Variants in FKTN observed in about 807,000 individuals in gnomAD.
The protein encoded by FKTN is fukutin.
In FKTN, 47 loss-of-function variants were observed where a neutral mutation model predicts 58.6. The ratio of observed to expected loss-of-function variants is 0.80; its 90% CI spans 0.63 to 1.02. The LOEUF (loss-of-function observed/expected upper bound fraction) is 1.02, where lower values mean the gene tolerates loss of function less well. Among genes scored for constraint, FKTN ranks in the 50% least tolerant of loss-of-function variants. The probability of loss-of-function intolerance (pLI) is 0.00; values close to 1 mark genes in which losing one functional copy is unlikely to be tolerated. For synonymous variants in FKTN, 178 were observed against 191.9 expected (o/e 0.93, Z 0.60); for missense variants, 516 against 537.3 (o/e 0.96, Z 0.39).
chr9:105,605,465 T>C (rs1289779838), intron 6 of FKTN, among the ~76,000 whole-genome samples: 2 of 152,174 alleles, frequency 1.3e-5, no homozygotes, highest in Non-Finnish European at 2.9e-5. Flanking sequence ...TGTATTTAAG[T>C]TAATATTAGG....
Position 105,604,256 on chromosome 9 carries a change from C to A in FKTN, c.411C>A (p.Cys137Ter), listed in dbSNP as rs537001725. 24 of 1,612,740 alleles carry A rather than the reference C, an allele frequency of 1.5e-5. No individual in the cohort carries two copies. In the South Asian group the frequency reaches 2.5e-4, roughly 17 times the overall value. ...TAGCTGAGAATATGGGATTTCAGTGCCTAAAGATTGAGAGTAAAGATCCCC... is the reference window on the plus strand; with the variant it reads ...TAGCTGAGAATATGGGATTTCAGTGACTAAAGATTGAGAGTAAAGATCCCC... ...FRIAENMGFQ[C>*]LKIESKDPRL... Residue 137 changes from cysteine to a stop codon, truncating the protein, a stop_gained, in exon 6 of 11, where the codon TGC becomes TGA. Transcript: ENST00000357998. LOFTEE classifies it high-confidence loss of function.
At chr9:105,569,412 A>G (rs933301692) in intron 1 of FKTN, among the ~76,000 whole-genome samples, 1 of 152,158 alleles carries the variant, frequency 6.6e-6, no homozygotes, top group African/African-American at 2.4e-5. Flanking sequence ...TATGGGTTTT[A>G]TCTACTACTA....
At chr9:105,558,605 A>G (rs1217399580) in intron 1 of FKTN, among the ~76,000 whole-genome samples, 1 of 150,944 alleles carries the variant, frequency 6.6e-6, no homozygotes, top group African/African-American at 2.4e-5. Context: ...GGTAAGCCAC[A>G]TTTCTCTTGG....
At chr9:105,577,567 T>C (rs1733383193) in intron 3 of FKTN, among the ~76,000 whole-genome samples, 1 of 146,424 alleles carries the variant, frequency 6.8e-6, no homozygotes, top group Non-Finnish European at 1.5e-5. Context: ...TTTTGGTTAC[T>C]GTAGCCTTGT....
In FKTN at chr9:105,638,378, C is replaced by T. The variant is rs1834192438; in HGVS notation, c.*3114C>T. The stretch of plus-strand genomic sequence containing the variant: ...TAGTTCAGAATTCAGAATTCTTAGG[C>T]AACCTTCATACCTTTATCTGGAAAA... On this transcript the variant is annotated 3_prime_UTR_variant, in exon 11 of 11. Transcript: ENST00000357998. 1 of 985,204 alleles carries T rather than the reference C, an allele frequency of 1.0e-6. No homozygotes were observed. Among genetic ancestry groups the T allele is most frequent in the South Asian group, 4.7e-5 (1 of 21,288 alleles). 61.0% of individuals were successfully genotyped at this position (985,204 alleles called of 1,614,324 possible).
chr9:105,591,913 C>T (rs1462981103), intron 3 of FKTN, among the ~76,000 whole-genome samples: 4 of 152,246 alleles, frequency 2.6e-5, no homozygotes, highest in African/African-American at 9.6e-5. Flanking sequence ...TTACAGCTTG[C>T]ACCCTCTGAA....
intron 3 of FKTN, among the ~76,000 whole-genome samples, chr9:105,579,427 A>G (rs1358090401): frequency 6.6e-6 from 1 of 151,740 alleles, no homozygotes; most frequent in African/African-American, 2.4e-5. Flanking sequence ...TTATGTACCC[A>G]GTAGTCATTC....
chr9:105,613,186 G>T (rs1830232633), intron 7 of FKTN, among the ~76,000 whole-genome samples: 1 of 152,196 alleles, frequency 6.6e-6, no homozygotes, highest in African/African-American at 2.4e-5. Flanking sequence ...GATGTTTCAA[G>T]ATGTCAGTTA....
At chr9:105,615,745 G>C (rs1830686185) in intron 8 of FKTN, among the ~76,000 whole-genome samples, 1 of 152,082 alleles carries the variant, frequency 6.6e-6, no homozygotes, top group Non-Finnish European at 1.5e-5. Context: ...ATCTCCGATA[G>C]TACTGAACCC....
At chr9:105,560,520 T>C (rs1220262679) in intron 1 of FKTN, among the ~76,000 whole-genome samples, 2 of 152,220 alleles carry the variant, frequency 1.3e-5, no homozygotes, top group Non-Finnish European at 2.9e-5. Flanking sequence ...TATATGCTTA[T>C]ACAAATATTG....
intron 3 of FKTN, among the ~76,000 whole-genome samples, chr9:105,584,932 A>G (rs191365812): frequency 1.3e-5 from 2 of 152,308 alleles, no homozygotes; most frequent in East Asian, 3.9e-4. Context: ...ACTGTTATTT[A>G]AAAGTCACAA....
chr9:105,614,553 A>G (rs1381196180), intron 7 of FKTN, among the ~76,000 whole-genome samples: 4 of 152,200 alleles, frequency 2.6e-5, no homozygotes, highest in Non-Finnish European at 5.9e-5. Flanking sequence ...TTTCTACTAT[A>G]CTACACAGTC....
chr9:105,611,026 A>G (rs1323830097), intron 7 of FKTN, among the ~76,000 whole-genome samples: 1 of 151,238 alleles, frequency 6.6e-6, no homozygotes, highest in African/African-American at 2.5e-5. Context: ...AGTTGGAAAT[A>G]CCTGTACACC....
chr9:105,603,602 A>T (rs569644696), intron 5 of FKTN: 1 of 152,578 alleles, frequency 6.6e-6, no homozygotes, highest in South Asian at 2.1e-4. Context: ...ACTTTATAGA[A>T]ACTAACTGGA....
chr9:105,558,593 G>A (rs1198033263), intron 1 of FKTN, among the ~76,000 whole-genome samples: 1 of 151,314 alleles, frequency 6.6e-6, no homozygotes, highest in Non-Finnish European at 1.5e-5. Flanking sequence ...CATTTAACAT[G>A]AGGTAAGCCA....
At position 105,636,230 on chromosome 9, in the gene FKTN, A is replaced by G. The variant is rs1232753530; in HGVS notation, c.*966A>G. On this transcript the variant is annotated 3_prime_UTR_variant, in exon 11 of 11. Transcript: ENST00000357998. ...TAATAGAATTTTTTAAATATACTCT[A>G]ATTTTTAAAACATACTCTTTATTAT... 6.8e-6 allele frequency: 6 copies of G among 885,256 alleles called. No homozygotes were observed. Among genetic ancestry groups the G allele is most frequent in the East Asian group, 1.2e-4 (1 of 8,362 alleles). 54.8% of individuals were successfully genotyped at this position (885,256 alleles called of 1,614,324 possible).
intron 7 of FKTN, among the ~76,000 whole-genome samples, chr9:105,611,043 A>G (rs1829832555): frequency 6.6e-6 from 1 of 151,154 alleles, no homozygotes; most frequent in Non-Finnish European, 1.5e-5. Context: ...CACCTGGCCT[A>G]GGAATATCTA....
intron 10 of FKTN, among the ~76,000 whole-genome samples, chr9:105,625,085 G>C (rs528908471): frequency 1.2e-4 from 18 of 152,288 alleles, no homozygotes; most frequent in African/African-American, 4.1e-4. Flanking sequence ...ATAGAAGTCT[G>C]ATTAGGAAGA....
At chr9:105,576,171 AT>A (rs564539175) in intron 3 of FKTN, among the ~76,000 whole-genome samples, 26 of 137,538 alleles carry the variant, frequency 1.9e-4, no homozygotes, top group African/African-American at 5.1e-4. Flanking sequence ...TAATTAATTT[AT>A]TTTTTTTATT....
Sources: gnomAD v4.1 joint callset for allele counts (sites outside exome capture counted in the v4.1 genomes callset) on GRCh38, gnomAD v4.1.1 for gene constraint, MANE v1.5 for transcripts, NCBI Gene and HGNC (gene_info 2026-07-23, HGNC 2026-07-21) for gene names.